Variants in NTRK2 observed in about 807,000 individuals in gnomAD.
NTRK2 encodes the protein BDNF/NT-3 growth factors receptor.
A neutral mutation model predicts 94.5 loss-of-function variants in NTRK2; 13 were observed. The observed-to-expected ratio is 0.14, with a 90% confidence interval of 0.09 to 0.22. The LOEUF (loss-of-function observed/expected upper bound fraction) is 0.22. Among genes scored for constraint, NTRK2 ranks in the 10% least tolerant of loss-of-function variants. The probability of loss-of-function intolerance (pLI) is 1.00; values close to 1 mark genes in which losing one functional copy is unlikely to be tolerated. For missense variants in NTRK2, 639 were observed against 1,071.2 expected, an observed-to-expected ratio of 0.60 and a Z score of 5.63; for synonymous variants, 372 against 407.4, an observed-to-expected ratio of 0.91 and a Z score of 1.05.
rs534217611 is a variant in NTRK2 at position 84,888,406 on chromosome 9, C to T, written c.1633+20975C>T. 4.0e-5 allele frequency among the ~76,000 whole-genome samples: 6 copies of T among 151,406 alleles called. 1 individual carries two copies. The highest frequency in any genetic ancestry group is 4.2e-4 in the South Asian group (2 of 4,736). ...CGGGTGGATCACAAGGTCAAGAGAC[C>T]GAGACCATCCTGGCCAACATGGTGA... is the stretch of plus-strand genomic sequence containing the variant. On this transcript the variant is annotated intron_variant, in intron 14 of 18. Transcript: ENST00000277120.
chr9:84,953,221 C>A (rs545725870), intron 16 of NTRK2, among the ~76,000 whole-genome samples: 1 of 152,282 alleles, frequency 6.6e-6, no homozygotes, highest in Admixed American at 6.5e-5. Context: ...CTGTTACAGG[C>A]CAGTTACAAA....
chr9:84,963,853 T>A (rs1351106935), intron 17 of NTRK2, among the ~76,000 whole-genome samples: 1 of 152,222 alleles, frequency 6.6e-6, no homozygotes, highest in East Asian at 1.9e-4. Flanking sequence ...AGTAATTTTT[T>A]TTCTCCTGCA....
chr9:85,008,330 C>T (rs1428233011), intron 17 of NTRK2, among the ~76,000 whole-genome samples: 1 of 152,102 alleles, frequency 6.6e-6, no homozygotes, highest in Non-Finnish European at 1.5e-5. Flanking sequence ...CCACAGCTCA[C>T]ACAGCACTAA....
intron 18 of NTRK2, among the ~76,000 whole-genome samples, chr9:85,020,617 A>G (rs1832701577): frequency 6.6e-6 from 1 of 152,190 alleles, no homozygotes; most frequent in Non-Finnish European, 1.5e-5. Flanking sequence ...GAGTCACTTT[A>G]TGCAGCTCAT....
At chr9:84,930,333 G>C (rs914126470) in intron 14 of NTRK2, among the ~76,000 whole-genome samples, 1 of 152,198 alleles carries the variant, frequency 6.6e-6, no homozygotes, top group Non-Finnish European at 1.5e-5. Flanking sequence ...CCCCTGAGAA[G>C]GAAGGCACTG....
intron 9 of NTRK2, 80 bp downstream of exon 9, chr9:84,728,039 GC>G (rs781106968): frequency 6.3e-5 from 84 of 1,334,148 alleles, no homozygotes; most frequent in Admixed American, 1.8e-4. Flanking sequence ...TATACAATAA[GC>G]CATCCCCCAA....
Position 85,022,635 on chromosome 9 carries a change from G to A in NTRK2, c.*1198G>A, listed in dbSNP as rs201010466. On this transcript the variant is annotated 3_prime_UTR_variant, in exon 19 of 19. Coordinates refer to ENST00000277120, the MANE Select transcript of NTRK2 (RefSeq NM_006180.6). ...AACTGTGCAAGCAAAATTGTGCATG[G>A]TCTTCGTCGATTAATACCTTGTGTG... The A allele has an allele frequency of 1.3e-5, 3 of 233,088 alleles. No homozygotes were observed. Among genetic ancestry groups the A allele is most frequent in the Non-Finnish European group, 2.5e-5 (3 of 118,044 alleles). 14.4% of individuals were successfully genotyped at this position (233,088 alleles called of 1,614,324 possible). A position where few individuals can be genotyped will look rare whatever the true frequency, so the allele number is the denominator to read the frequency against.
chr9:84,699,412 G>A, intron 2 of NTRK2, among the ~76,000 whole-genome samples: 1 of 151,992 alleles, frequency 6.6e-6, no homozygotes, highest in East Asian at 1.9e-4. Flanking sequence ...ATTTATCCAG[G>A]GCATTCTTGC....
chr9:84,696,043 C>G (rs10116923), intron 2 of NTRK2, among the ~76,000 whole-genome samples: 4,997 of 152,256 alleles, frequency 0.033, 291 homozygotes, highest in African/African-American at 0.11. Flanking sequence ...AGATCTTGCT[C>G]TGTCACCCAG....
At chr9:84,950,069 C>A (rs533789185) in intron 16 of NTRK2, among the ~76,000 whole-genome samples, 5 of 152,316 alleles carry the variant, frequency 3.3e-5, no homozygotes, top group Non-Finnish European at 5.9e-5. Flanking sequence ...GTCTCTTTAG[C>A]TGTTCTGATG....
intron 14 of NTRK2, among the ~76,000 whole-genome samples, chr9:84,913,659 G>GT (rs963538721): frequency 3.9e-5 from 6 of 152,132 alleles, no homozygotes; most frequent in African/African-American, 1.4e-4. Flanking sequence ...TATTCAAATA[G>GT]TTTTTTCCTT....
intron 9 of NTRK2, among the ~76,000 whole-genome samples, chr9:84,728,530 C>T (rs1468650494): frequency 6.6e-6 from 1 of 152,138 alleles, no homozygotes; most frequent in African/African-American, 2.4e-5. Flanking sequence ...ACCGCAAGCG[C>T]AGGAACTGTG....
rs1833049975 is a variant in NTRK2 at position 85,026,664 on chromosome 9, C to T, written c.*5227C>T. ...TCTGCCTGGAGATGTGGACATTCTG[C>T]ATTTGCTTCTGTATCTGGAGAGATG... On this transcript the variant is annotated 3_prime_UTR_variant, in exon 19 of 19. Transcript: ENST00000277120. The T allele has an allele frequency of 3.0e-5, 7 of 232,984 alleles. No homozygotes were observed. Among genetic ancestry groups the T allele is most frequent in the Non-Finnish European group, 5.9e-5 (7 of 117,912 alleles). The allele number at this position is 232,984 out of a possible 1,614,324, so 14.4% of individuals were successfully genotyped here.
rs71369159 is a variant in NTRK2 at position 84,888,982 on chromosome 9, A to ATTTTTTTTTTTTTT, written c.1633+21564_1633+21577dup. 3.2e-3 allele frequency among the ~76,000 whole-genome samples: 329 copies of ATTTTTTTTTTTTTT among 101,688 alleles called. 102 individuals carry two copies. Among genetic ancestry groups the ATTTTTTTTTTTTTT allele is most frequent in the African/African-American group, 5.8e-3 (146 of 25,016 alleles). 66.7% of individuals were successfully genotyped at this position (101,688 alleles called of 152,430 possible). On this transcript the variant is annotated intron_variant, in intron 14 of 18. Transcript: ENST00000277120. ...TCCCCATTATTTATTAATGACAGAA[A>ATTTTTTTTTTTTTT]TTTTTTTTTTTTTTTTTTTTTTTTT... is the stretch of plus-strand genomic sequence containing the variant.
intron 2 of NTRK2, among the ~76,000 whole-genome samples, chr9:84,672,249 A>G (rs1405447945): frequency 6.6e-6 from 1 of 152,158 alleles, no homozygotes; most frequent in Non-Finnish European, 1.5e-5. Context: ...GCAAAAGGAA[A>G]TGACAGCAGA....
intron 17 of NTRK2, among the ~76,000 whole-genome samples, chr9:84,982,893 A>G (rs1175876496): frequency 6.6e-6 from 1 of 152,202 alleles, no homozygotes; most frequent in East Asian, 1.9e-4. Flanking sequence ...AAGGGGATGG[A>G]AAATATGTAT....
At chr9:84,892,154 A>C (rs1315942923) in intron 14 of NTRK2, among the ~76,000 whole-genome samples, 5 of 152,234 alleles carry the variant, frequency 3.3e-5, no homozygotes, top group Non-Finnish European at 7.3e-5. Flanking sequence ...TCTGCAAATT[A>C]TCCAAAAGAC....
rs143694508 is a variant in NTRK2, at chr9:84,999,704, C to G, written c.2173-20502C>G. Among the ~76,000 whole-genome samples, 144 of 152,302 alleles carry G rather than the reference C, an allele frequency of 9.5e-4. 2 individuals carry two copies. Among genetic ancestry groups the G allele is most frequent in the African/African-American group, 3.4e-3 (140 of 41,558 alleles). On this transcript the variant is annotated intron_variant, in intron 17 of 18. Coordinates refer to ENST00000277120, the MANE Select transcript of NTRK2 (RefSeq NM_006180.6). ...GGTGAGAATGATCCTGCCCTAAATT[C>G]GCTTTCCTAAGCCCTCCTTGTGTGT...
chr9:84,994,696 T>C (rs1203089519), intron 17 of NTRK2, among the ~76,000 whole-genome samples: 2 of 152,224 alleles, frequency 1.3e-5, no homozygotes, highest in African/African-American at 4.8e-5. Context: ...GTGGCTTTTT[T>C]CCCCCTGTTC....
Sources: allele counts gnomAD v4.1 joint callset (sites outside exome capture counted in the v4.1 genomes callset), GRCh38; gene constraint gnomAD v4.1.1; transcripts MANE v1.5; gene names NCBI Gene and HGNC (gene_info 2026-07-23, HGNC 2026-07-21).